Variants in CACNA1G observed in about 807,000 individuals in gnomAD.
CACNA1G encodes the protein calcium voltage-gated channel subunit alpha1 G.
A neutral mutation model predicts 219.4 loss-of-function variants in CACNA1G; 67 were observed. The ratio of observed to expected loss-of-function variants is 0.31; its 90% confidence interval spans 0.25 to 0.37. The LOEUF is 0.37. Ranked by LOEUF, CACNA1G falls within the 10% of genes least tolerant of loss-of-function variation. The probability of loss-of-function intolerance (pLI) is 1.00; values close to 1 mark genes in which losing one functional copy is unlikely to be tolerated. For missense variants in CACNA1G, 2,380 were observed against 3,231.4 expected (o/e 0.74, Z 6.39); for synonymous variants, 1,296 against 1,345.3 (o/e 0.96, Z 0.80).
At chr17:50,619,149 G>A (rs1038921454) in intron 33 of CACNA1G, 141 bp downstream of exon 33, 19 of 660,676 alleles carry the variant, frequency 2.9e-5, no homozygotes, top group Admixed American at 9.2e-5. Context: ...GATGCTGAGC[G>A]AGCAGTCACT....
Position 50,621,792 on chromosome 17 carries a change from A to C in CACNA1G, c.6058A>C (p.Asn2020His), listed in dbSNP as rs530321845. 6.2e-6 allele frequency: 10 copies of C among 1,613,670 alleles called. No homozygotes were observed. Among genetic ancestry groups the C allele is most frequent in the African/African-American group, 5.3e-5 (4 of 75,044 alleles). ...ACTCTTACTTAGTGCCCTGGAGAGCAATGTACATACACACTGCCCTCACTG... is the reference window on the plus strand; with the variant it reads ...ACTCTTACTTAGTGCCCTGGAGAGCCATGTACATACACACTGCCCTCACTG... ...HTLLLSALES[N>H]MQPHPTELPG... is the part of the protein sequence containing the mutation. Residue 2020 changes from asparagine (N) to histidine (H), a missense_variant and splice_region_variant, in exon 35 of 38, where the codon AAT becomes CAT. Asn to His is a moderately conservative substitution (Grantham distance 68). Around this residue, in one of 17 missense-constraint regions of CACNA1G, gnomAD observed 672 missense variants for 670.5 expected, o/e 1.00. Coordinates refer to ENST00000359106, the MANE Select transcript of CACNA1G (RefSeq NM_018896.5). The surrounding 1 kb of genome is among the most constrained non-coding windows in gnomAD (Gnocchi z 4.6).
intron 24 of CACNA1G, 168 bp downstream of exon 24, chr17:50,607,157 A>G: frequency 1.4e-6 from 1 of 691,542 alleles, no homozygotes; most frequent in South Asian, 1.5e-5. Context: ...GGCATGTTTT[A>G]TTGGTCTACA....
At position 50,609,598 on chromosome 17, in the gene CACNA1G, C is replaced by A. The variant is rs145541305; in HGVS notation, c.4706-284C>A. Among the ~76,000 whole-genome samples, 676 of 152,254 alleles carry A rather than the reference C, an allele frequency of 4.4e-3. 6 individuals are homozygous for A. The highest frequency in any genetic ancestry group is 0.015 in the African/African-American group (614 of 41,528). On this transcript the variant is annotated intron_variant, in intron 25 of 37. Coordinates refer to ENST00000359106, the MANE Select transcript of CACNA1G (RefSeq NM_018896.5). ...GTAGCTGTCTCAGGTGCAGCTGAGG[C>A]CACAACGCAGGAGAAGCGGACATCT...
Position 50,599,767 on chromosome 17 carries a change from A to G in CACNA1G, c.3598A>G (p.Asn1200Asp), listed in dbSNP as rs2046238724. 1 of 1,613,468 alleles carries G rather than the reference A, an allele frequency of 6.2e-7. No homozygotes were observed. Among genetic ancestry groups the G allele is most frequent in the Admixed American group, 1.7e-5 (1 of 60,000 alleles). ...RGSASEHQDC[N>D]GKSASGRLAR... ...GTCTGCTTCTGAGCACCAGGACTGC[A>G]ATGGCAAGTCGGCTTCAGGGCGCCT... Residue 1200 changes from asparagine to aspartate, a missense_variant, in exon 17 of 38, where the codon AAT (asparagine) becomes GAT (aspartate). Physicochemically the swap from Asn to Asp is conservative, Grantham distance 23 (BLOSUM62 1). Transcript: ENST00000359106.
chr17:50,568,543 G>A (rs1057412613), intron 1 of CACNA1G, among the ~76,000 whole-genome samples: 1 of 152,260 alleles, frequency 6.6e-6, no homozygotes, highest in Non-Finnish European at 1.5e-5. Flanking sequence ...AGATTCTGCA[G>A]CAAACTCATG....
At chr17:50,586,224 C>T (rs1168964729) in intron 9 of CACNA1G, among the ~76,000 whole-genome samples, 1 of 152,244 alleles carries the variant, frequency 6.6e-6, no homozygotes, top group Non-Finnish European at 1.5e-5. Flanking sequence ...CATCTCCTTC[C>T]TCCCTTCCCA....
rs566057323 is a variant in CACNA1G at position 50,584,975 on chromosome 17, C to T, written c.2302-5496C>T. 7.2e-5 allele frequency among the ~76,000 whole-genome samples: 11 copies of T among 152,200 alleles called. No individual in the cohort carries two copies. The South Asian group carries it at 1.7e-3, about 23-fold the overall frequency. On this transcript the variant is annotated intron_variant, in intron 9 of 37. Coordinates refer to ENST00000359106, the MANE Select transcript of CACNA1G (RefSeq NM_018896.5). The stretch of plus-strand genomic sequence containing the variant: ...TAGCGATACTCAGCACTTCCAGAGC[C>T]GCAGAGGAGAGGAGGAGGGCAAGGG...
intron 9 of CACNA1G, among the ~76,000 whole-genome samples, chr17:50,586,360 T>C (rs987034796): frequency 6.6e-6 from 1 of 152,174 alleles, no homozygotes; most frequent in Non-Finnish European, 1.5e-5. Flanking sequence ...TCTCACCCTC[T>C]GATCTGGGCA....
At position 50,578,452 on chromosome 17, in the gene CACNA1G, G is replaced by A; in HGVS notation, c.2189G>A (p.Arg730Lys). 1 of 1,599,820 alleles carries A rather than the reference G, an allele frequency of 6.3e-7. No homozygotes were observed. The highest frequency in any genetic ancestry group is 8.5e-7 in the Non-Finnish European group (1 of 1,171,592). ...AEPSSVLAFW[R>K]LICDTFRKIV... Reference sequence around the variant, plus strand: ...CCCAGCTCTGTGCTGGCCTTCTGGAGGCTAATCTGTGACACCTTCCGAAAG... The same window carrying A: ...CCCAGCTCTGTGCTGGCCTTCTGGAAGCTAATCTGTGACACCTTCCGAAAG... The change falls in exon 9 of 38, where the codon AGG (arginine) becomes AAG (lysine). Residue 730 changes from arginine (R) to lysine (K), a missense_variant. By Grantham distance (26) the Arg-to-Lys change is conservative (BLOSUM62 2). Around this residue, in one of 17 missense-constraint regions of CACNA1G, gnomAD observed 434 missense variants for 417.3 expected, o/e 1.04. Transcript: ENST00000359106. This position sits in a 1 kb window ranked among gnomAD's most constrained non-coding sequence, Gnocchi z 4.5.
rs1252850639 is a variant in CACNA1G at position 50,624,344 on chromosome 17, T to G, written c.6230-16T>G. On this transcript the variant is annotated splice_polypyrimidine_tract_variant and intron_variant, in intron 36 of 37. Coordinates refer to ENST00000359106, the MANE Select transcript of CACNA1G (RefSeq NM_018896.5). Reference sequence around the variant, plus strand: ...TTCTCTCCCCCCACCCCTCCCCCGCTTCCCTCCCTCCACAGGCTCCGTCTT... The same window carrying G: ...TTCTCTCCCCCCACCCCTCCCCCGCGTCCCTCCCTCCACAGGCTCCGTCTT... 1.1e-4 allele frequency: 69 copies of G among 620,072 alleles called. No homozygotes were observed. The highest frequency in any genetic ancestry group is 1.3e-4 in the Non-Finnish European group (57 of 424,090). 38.4% of individuals were successfully genotyped at this position (620,072 alleles called of 1,614,324 possible).
intron 1 of CACNA1G, among the ~76,000 whole-genome samples, chr17:50,568,271 C>T (rs138443375): frequency 8.5e-5 from 13 of 152,202 alleles, no homozygotes; most frequent in Non-Finnish European, 1.2e-4. Context: ...TGGAAACCAC[C>T]GTCTCATCCT....
chr17:50,623,121 G>A (rs1237412946), intron 35 of CACNA1G, among the ~76,000 whole-genome samples: 1 of 140,678 alleles, frequency 7.1e-6, no homozygotes, highest in Non-Finnish European at 1.5e-5. Flanking sequence ...TTTGAGACAG[G>A]GTCTCACTCT....
intron 13 of CACNA1G, 46 bp from the exon 14 acceptor site, chr17:50,594,947 G>T (rs369927252): frequency 1.4e-6 from 2 of 1,465,108 alleles, no homozygotes; most frequent in South Asian, 2.4e-5. Flanking sequence ...AAGGCCCCGA[G>T]CGCCTGTGAC....
intron 9 of CACNA1G, among the ~76,000 whole-genome samples, chr17:50,583,419 T>G (rs1222213025): frequency 6.6e-6 from 1 of 152,156 alleles, no homozygotes; most frequent in African/African-American, 2.4e-5. Flanking sequence ...CACAGCACAC[T>G]AGAATAGAAT....
At position 50,627,101 on chromosome 17, in the gene CACNA1G, G is replaced by A. The variant is rs1485742862; in HGVS notation, c.*350G>A. The stretch of plus-strand genomic sequence containing the variant: ...GCGGGATGTACGACATTTTGTGACT[G>A]AAGAGACTTGTTTCCTTCTACTTTT... On this transcript the variant is annotated 3_prime_UTR_variant, in exon 38 of 38. Transcript: ENST00000359106. 4.2e-6 allele frequency: 2 copies of A among 476,652 alleles called. No individual in the cohort carries two copies. Among genetic ancestry groups the A allele is most frequent in the Non-Finnish European group, 8.3e-6 (2 of 242,404 alleles). 29.5% of individuals were successfully genotyped at this position (476,652 alleles called of 1,614,324 possible).
intron 37 of CACNA1G, among the ~76,000 whole-genome samples, chr17:50,625,232 G>A (rs1414621850): frequency 6.6e-6 from 1 of 152,210 alleles, no homozygotes; most frequent in Non-Finnish European, 1.5e-5. Context: ...GATTACAGGC[G>A]TGAGCCACCG....
chr17:50,609,871 C>T lies in CACNA1G; in HGVS notation c.4706-11C>T, dbSNP rs772562255. 1.2e-5 allele frequency: 19 copies of T among 1,610,590 alleles called. No individual in the cohort carries two copies. The highest frequency in any genetic ancestry group is 2.2e-5 in the East Asian group (1 of 44,878). ...CCGGCCAGTGACCAATGTCGTGTTT[C>T]GTTCTTTTAGATCTAATGCTGGACG... On this transcript the variant is annotated splice_polypyrimidine_tract_variant and intron_variant, in intron 25 of 37. Transcript: ENST00000359106.
Position 50,627,469 on chromosome 17 carries a change from TA to T in CACNA1G, c.*723del, listed in dbSNP as rs1415383454. 2 of 205,444 alleles carry T rather than the reference TA, an allele frequency of 9.7e-6. No individual in the cohort carries two copies. The highest frequency in any genetic ancestry group is 5.7e-5 in the Admixed American group (1 of 17,562). 12.7% of individuals were successfully genotyped at this position (205,444 alleles called of 1,614,324 possible). On this transcript the variant is annotated 3_prime_UTR_variant, in exon 38 of 38. Transcript: ENST00000359106. ...TATAAAATAAAGTAATTTTCCTAAA[TA>T]AAAAGCTAATCACGGTCCAGAGTAA...
intron 26 of CACNA1G, among the ~76,000 whole-genome samples, chr17:50,612,475 C>T (rs997903143): frequency 6.6e-6 from 1 of 152,268 alleles, no homozygotes; most frequent in Non-Finnish European, 1.5e-5. Context: ...TCTCCTTGGC[C>T]ACCTGTGGCG....
Sources: allele counts gnomAD v4.1 joint callset (sites outside exome capture counted in the v4.1 genomes callset), GRCh38; gene constraint gnomAD v4.1.1; regional missense constraint gnomAD v4.1.1; non-coding constraint Gnocchi (gnomAD v3.1); transcripts MANE v1.5; gene names NCBI Gene and HGNC (gene_info 2026-07-23, HGNC 2026-07-21).